The following RIPOR2 variants were observed in gnomAD, a reference collection of about 807,000 sequenced individuals.
The protein encoded by RIPOR2 is rho family-interacting cell polarization regulator 2.
In RIPOR2, 39 loss-of-function variants were observed where a neutral mutation model predicts 114.5. The ratio of observed to expected loss-of-function variants is 0.34; its 90% CI spans 0.26 to 0.44. RIPOR2 has a LOEUF of 0.44. Among genes scored for constraint, RIPOR2 ranks in the 20% least tolerant of loss-of-function variants. RIPOR2 has a pLI of 1.00. For synonymous variants in RIPOR2, 445 were observed against 484.4 expected, an observed-to-expected ratio of 0.92 and a Z score of 1.07; for missense variants, 1,007 against 1,255.1, an observed-to-expected ratio of 0.80 and a Z score of 2.99.
chr6:24,949,240 G>A (rs1772619777), intron 1 of RIPOR2, among the ~76,000 whole-genome samples: 1 of 152,108 alleles, frequency 6.6e-6, no homozygotes, highest in East Asian at 1.9e-4. Flanking sequence ...GAGAAAGCAA[G>A]AAGATAGAAA....
At chr6:24,921,590 C>T (rs1561776338) in intron 1 of RIPOR2, among the ~76,000 whole-genome samples, 2 of 152,098 alleles carry the variant, frequency 1.3e-5, no homozygotes, top group African/African-American at 4.8e-5. Flanking sequence ...GTAAAGTCTT[C>T]CCTGACCACC....
At chr6:24,825,690 C>G (rs1031816662) in intron 18 of RIPOR2, among the ~76,000 whole-genome samples, 27 of 152,096 alleles carry the variant, frequency 1.8e-4, no homozygotes, top group African/African-American at 6.0e-4. Flanking sequence ...ACAAAAATAA[C>G]TTACAGGTGA....
rs774141981 is a variant in RIPOR2, at chr6:24,972,818, T to G, written c.76+69033A>C. Among the ~76,000 whole-genome samples, 14 of 152,238 alleles carry G rather than the reference T, an allele frequency of 9.2e-5. No homozygotes were observed. The South Asian group carries it at 1.2e-3, about 13-fold the overall frequency. ...CAGGTGGTTAAGTCTGGACAAATTTTAGAAGCTTTTTCACCCTTGAAAAAT... is the reference window on the plus strand; with the variant it reads ...CAGGTGGTTAAGTCTGGACAAATTTGAGAAGCTTTTTCACCCTTGAAAAAT... On this transcript the variant is annotated intron_variant, in intron 1 of 13. Transcript: ENST00000510784.
chr6:24,839,703 C>T, intron 13 of RIPOR2: 1 of 1,480,566 alleles, frequency 6.8e-7, no homozygotes, highest in Non-Finnish European at 8.9e-7. Context: ...CTATATCCCT[C>T]TGCCTAGTGC....
chr6:24,947,416 A>G (rs1772480345), intron 1 of RIPOR2, among the ~76,000 whole-genome samples: 1 of 152,210 alleles, frequency 6.6e-6, no homozygotes, highest in Non-Finnish European at 1.5e-5. Context: ...AGAAGGCTCA[A>G]CCCTGAATGT....
rs181782992 is a variant in RIPOR2 at position 24,970,022 on chromosome 6, G to A, written c.76+71829C>T. On this transcript the variant is annotated intron_variant, in intron 1 of 13. Coordinates refer to the RIPOR2 transcript ENST00000510784. ...ATAAATGAGTCTGGGGATAGCTAAG[G>A]GGGAGTGGAATTAAAATGTTCTTTA... Among the ~76,000 whole-genome samples the A allele has an allele frequency of 4.0e-3, 602 of 152,258 alleles. 2 individuals are homozygous for A. The highest frequency in any genetic ancestry group is 6.3e-3 in the Non-Finnish European group (429 of 68,028).
chr6:24,809,773 C>T lies in RIPOR2; in HGVS notation c.2987G>A (p.Cys996Tyr). 2 of 1,550,910 alleles carry T rather than the reference C, an allele frequency of 1.3e-6. No homozygotes were observed. The highest frequency in any genetic ancestry group is 1.7e-6 in the Non-Finnish European group (2 of 1,146,296). Residue 996 changes from cysteine (C) to tyrosine (Y), a missense_variant, in exon 21 of 22, where the codon TGT becomes TAT. Cys to Tyr is a radical substitution (Grantham distance 194, BLOSUM62 -2). Transcript: ENST00000643898. Reference protein sequence around the residue: ...TESIKMLVTLCQSDTEEIRNV... With the variant: ...TESIKMLVTLYQSDTEEIRNV... The stretch of plus-strand genomic sequence containing the variant: ...TCTGATTTCTTCAGTATCAGATTGA[C>T]ACAATGTCACCAGCATTTTAATGCT...
At chr6:24,866,172 T>C (rs1764578961) in intron 6 of RIPOR2, among the ~76,000 whole-genome samples, 1 of 152,180 alleles carries the variant, frequency 6.6e-6, no homozygotes, top group Non-Finnish European at 1.5e-5. Context: ...ACTGAACACT[T>C]AAGAACTCAA....
At chr6:24,807,521 G>C (rs917734019) in intron 21 of RIPOR2, among the ~76,000 whole-genome samples, 7 of 152,190 alleles carry the variant, frequency 4.6e-5, no homozygotes, top group South Asian at 2.1e-4. Flanking sequence ...GATGTATTAA[G>C]TGCATTTTTG....
intron 1 of RIPOR2, among the ~76,000 whole-genome samples, chr6:24,879,575 A>ACG (rs1411028250): frequency 2.9e-4 from 44 of 152,354 alleles, no homozygotes; most frequent in African/African-American, 9.9e-4. Flanking sequence ...TAAAACAAGC[A>ACG]CGCACACACA....
intron 1 of RIPOR2, among the ~76,000 whole-genome samples, chr6:25,039,350 C>A (rs1288836136): frequency 1.3e-5 from 2 of 152,124 alleles, no homozygotes; most frequent in Non-Finnish European, 2.9e-5. Context: ...AAAATGCAAC[C>A]CTCCAAAAAT....
chr6:24,906,250 G>A (rs1172405822), intron 1 of RIPOR2, among the ~76,000 whole-genome samples: 1 of 152,126 alleles, frequency 6.6e-6, no homozygotes, highest in Non-Finnish European at 1.5e-5. Flanking sequence ...ACCTACCATT[G>A]GGTAGGCAGC....
chr6:24,859,479 G>A (rs1763839967), intron 8 of RIPOR2, among the ~76,000 whole-genome samples: 1 of 152,108 alleles, frequency 6.6e-6, no homozygotes, highest in Non-Finnish European at 1.5e-5. Flanking sequence ...TGGGACTATG[G>A]ACCTGCGTGA....
At chr6:24,915,697 G>A (rs779700192) in intron 1 of RIPOR2, among the ~76,000 whole-genome samples, 4 of 152,178 alleles carry the variant, frequency 2.6e-5, no homozygotes, top group Non-Finnish European at 5.9e-5. Flanking sequence ...TCCAGCTTAT[G>A]AAGTGCATAA....
At chr6:24,921,302 A>G (rs1249198760) in intron 1 of RIPOR2, among the ~76,000 whole-genome samples, 4 of 150,964 alleles carry the variant, frequency 2.6e-5, no homozygotes, top group African/African-American at 9.7e-5. Context: ...AGCTGGGACT[A>G]TAGGCACGTG....
chr6:24,915,226 T>A (rs907260810), intron 1 of RIPOR2, among the ~76,000 whole-genome samples: 1 of 152,244 alleles, frequency 6.6e-6, no homozygotes, highest in Non-Finnish European at 1.5e-5. Flanking sequence ...AAAATATGGC[T>A]TGGAATGCTG....
chr6:25,005,954 C>G (rs926673522), intron 1 of RIPOR2, among the ~76,000 whole-genome samples: 4 of 151,782 alleles, frequency 2.6e-5, no homozygotes, highest in South Asian at 2.1e-4. Context: ...CTCTACAATT[C>G]TATGCCCAGC....
At chr6:24,920,091 T>C (rs1449834038) in intron 1 of RIPOR2, among the ~76,000 whole-genome samples, 1 of 152,156 alleles carries the variant, frequency 6.6e-6, no homozygotes, top group Non-Finnish European at 1.5e-5. Context: ...TAAAAGCAAA[T>C]GTGGTGCCTA....
intron 1 of RIPOR2, chr6:24,932,054 A>G (rs1019970048): frequency 6.6e-6 from 1 of 152,388 alleles, no homozygotes; most frequent in South Asian, 2.1e-4. Context: ...TGTTGTAGTC[A>G]TTACCATTAT....
Sources: allele counts gnomAD v4.1 joint callset (sites outside exome capture counted in the v4.1 genomes callset), GRCh38; gene constraint gnomAD v4.1.1; transcripts MANE v1.5; gene names NCBI Gene and HGNC (gene_info 2026-07-23, HGNC 2026-07-21).